Variants in ADGRL1 observed in about 807,000 individuals in gnomAD.
The protein encoded by ADGRL1 is CIRL-1.
A neutral mutation model predicts 148.9 loss-of-function variants in ADGRL1; 31 were observed. That is an observed-to-expected ratio of 0.21 (90% CI 0.16 to 0.28). The LOEUF is 0.28. ADGRL1 is among the 10% of genes least tolerant of loss of function. The pLI is 1.00. For synonymous variants in ADGRL1, 937 were observed against 900.3 expected (o/e 1.04, Z -0.73); for missense variants, 1,521 against 2,058.8 (o/e 0.74, Z 5.05).
rs112351135 is a variant in ADGRL1, at chr19:14,183,214, A to C, written c.70+319T>G. On this transcript the variant is annotated intron_variant, in intron 2 of 22. Transcript: ENST00000361434. ...ATCACAGAGAGAGAGAGAGAGAGAG[A>C]GAGCGAGAGAGAGACAGAGAGAGGA... is the stretch of plus-strand genomic sequence containing the variant. Among the ~76,000 whole-genome samples the C allele has an allele frequency of 5.5e-5, 8 of 145,184 alleles. No homozygotes were observed. The East Asian group carries it at 6.2e-4, about 11-fold the overall frequency.
chr19:14,186,674 G>A lies in ADGRL1; in HGVS notation c.-95-2977C>T, dbSNP rs1009739522. On this transcript the variant is annotated intron_variant, in intron 1 of 22. Transcript: ENST00000361434. ...AGGGACCACATGATGATGTTGATCC[G>A]AACATTAACTGACCCCCTGGTCTCT... 3.9e-5 allele frequency among the ~76,000 whole-genome samples: 6 copies of A among 152,132 alleles called. No homozygotes were observed. In the South Asian group the frequency reaches 6.2e-4, roughly 16 times the overall value.
Position 14,155,427 on chromosome 19 carries a change from G to C in ADGRL1, c.3226C>G (p.Leu1076Val). 2 of 1,614,092 alleles carry C rather than the reference G, an allele frequency of 1.2e-6. No individual in the cohort carries two copies. Among genetic ancestry groups the C allele is most frequent in the African/African-American group, 1.3e-5 (1 of 75,028 alleles). The part of the protein sequence containing the change: ...INKESVVMAY[L>V]FTTFNAFQGV... ...TGGAAGGCGTTGAAGGTGGTGAAGA[G>C]ATAGGCCATGACCACCGACTCCTTG... Residue 1076 changes from leucine to valine, a missense_variant, in exon 18 of 23, where the codon CTC becomes GTC. Leu to Val is a conservative substitution (Grantham distance 32, BLOSUM62 1). Around this residue, in one of 8 missense-constraint regions of ADGRL1, gnomAD observed 185 missense variants for 251.7 expected, o/e 0.74. Coordinates refer to ENST00000361434, the MANE Select transcript of ADGRL1 (RefSeq NM_014921.5). This position sits in a 1 kb window ranked among gnomAD's most constrained non-coding sequence, Gnocchi z 5.0.
chr19:14,167,277 G>T (rs1184918500), intron 4 of ADGRL1, among the ~76,000 whole-genome samples: 5 of 152,142 alleles, frequency 3.3e-5, no homozygotes, highest in South Asian at 4.1e-4. Flanking sequence ...CAGTCAGAGG[G>T]ACGAGGGGGA....
Position 14,148,489 on chromosome 19 carries a change from G to C in ADGRL1, c.*2384C>G, listed in dbSNP as rs926906392. 6.6e-6 allele frequency: 1 copy of C among 152,462 alleles called. No homozygotes were observed. The highest frequency in any genetic ancestry group is 6.5e-5 in the Admixed American group (1 of 15,292). The allele number at this position is 152,462 out of a possible 1,614,324, so 9.4% of individuals were successfully genotyped here. The stretch of plus-strand genomic sequence containing the variant: ...GCAGCCACAGGCTGGGCTGCTTCCC[G>C]GGACAGGCCAGCTCCTCGCCTGCTC... On this transcript the variant is annotated 3_prime_UTR_variant, in exon 23 of 23. Transcript: ENST00000361434.
chr19:14,174,959 G>A (rs968713771), intron 3 of ADGRL1, among the ~76,000 whole-genome samples: 6 of 150,976 alleles, frequency 4.0e-5, no homozygotes, highest in Non-Finnish European at 7.4e-5. Flanking sequence ...CTCCTGCATC[G>A]GTCATCTGAG....
Position 14,159,816 on chromosome 19 carries a change from C to T in ADGRL1, c.1801-43G>A. Reference sequence around the variant, plus strand: ...TGATGTCAGGCCAGGCCTCTGGGTGCCGGTTCCCTCACCCTAATACTGTCA... The same window carrying T: ...TGATGTCAGGCCAGGCCTCTGGGTGTCGGTTCCCTCACCCTAATACTGTCA... On this transcript the variant is annotated intron_variant, in intron 8 of 22. Transcript: ENST00000361434. The surrounding 1 kb of genome is among the most constrained non-coding windows in gnomAD (Gnocchi z 6.0). 2 of 1,538,010 alleles carry T rather than the reference C, an allele frequency of 1.3e-6. No homozygotes were observed. Among genetic ancestry groups the T allele is most frequent in the Non-Finnish European group, 9.0e-7 (1 of 1,111,004 alleles).
intron 2 of ADGRL1, among the ~76,000 whole-genome samples, chr19:14,182,735 G>T (rs1207134519): frequency 6.6e-6 from 1 of 152,220 alleles, no homozygotes; most frequent in Non-Finnish European, 1.5e-5. Flanking sequence ...TATGGGGCAG[G>T]ACCTGGATGG....
rs1277713547 is a variant in ADGRL1, at chr19:14,204,846, AGACAGACCCCAGCTCTG to A, written c.-96+1122_-96+1138del. Among the ~76,000 whole-genome samples the A allele has an allele frequency of 2.0e-5, 3 of 152,148 alleles. No homozygotes were observed. In the East Asian group the frequency reaches 5.8e-4, roughly 29 times the overall value. On this transcript the variant is annotated intron_variant, in intron 1 of 22. Coordinates refer to ENST00000361434, the MANE Select transcript of ADGRL1 (RefSeq NM_014921.5). ...ACATGTTGGGAAGTGGGATGTGGGA[AGACAGACCCCAGCTCTG>A]AGTCCGGTGGAAGCCAGGCGGAAGG... is the stretch of plus-strand genomic sequence containing the variant.
intron 4 of ADGRL1, among the ~76,000 whole-genome samples, chr19:14,164,304 G>C (rs939078459): frequency 3.3e-4 from 50 of 152,222 alleles, no homozygotes; most frequent in Middle Eastern, 6.8e-3. Context: ...GAGAGGGACA[G>C]GGCTCCCGGG....
intron 3 of ADGRL1, among the ~76,000 whole-genome samples, chr19:14,173,705 G>A (rs1283747402): frequency 6.6e-6 from 1 of 152,156 alleles, no homozygotes; most frequent in Non-Finnish European, 1.5e-5. Context: ...CCAGCACTTT[G>A]GGAGGCCAAG....
chr19:14,167,836 G>A (rs1025213401), intron 4 of ADGRL1, among the ~76,000 whole-genome samples: 1 of 152,134 alleles, frequency 6.6e-6, no homozygotes. Context: ...AGGCTCCCCA[G>A]GGGCAAGTCT....
chr19:14,173,747 G>A (rs971133822), intron 3 of ADGRL1, among the ~76,000 whole-genome samples: 1 of 152,016 alleles, frequency 6.6e-6, no homozygotes, highest in African/African-American at 2.4e-5. Context: ...AGAAGTTTGA[G>A]ACCAGCCTGG....
Position 14,147,901 on chromosome 19 carries a change from A to C in ADGRL1, c.*2972T>G, listed in dbSNP as rs1009919618. ...AAATTGGTTTGGCATATCGAAAAGG[A>C]GACCAAGGAGGGAGGGGCTGGGGCG... On this transcript the variant is annotated 3_prime_UTR_variant, in exon 23 of 23. Transcript: ENST00000361434. 1 of 152,242 alleles carries C rather than the reference A, an allele frequency of 6.6e-6. No individual in the cohort carries two copies. The highest frequency in any genetic ancestry group is 1.9e-4 in the East Asian group (1 of 5,166). The allele number at this position is 152,242 out of a possible 1,614,324, so 9.4% of individuals were successfully genotyped here.
chr19:14,198,621 A>T (rs1437746983), intron 1 of ADGRL1, among the ~76,000 whole-genome samples: 3 of 150,848 alleles, frequency 2.0e-5, no homozygotes, highest in African/African-American at 7.3e-5. Context: ...CCCCTGCCAC[A>T]GGCCCTGGCA....
At chr19:14,174,095 G>GT (rs1338313309) in intron 3 of ADGRL1, among the ~76,000 whole-genome samples, 1 of 152,112 alleles carries the variant, frequency 6.6e-6, no homozygotes, top group African/African-American at 2.4e-5. Flanking sequence ...CTCAGCCCCG[G>GT]TAACTATTCT....
At chr19:14,183,193 C>CAGAGAGAGAGAGAGAGAGAGAGAGAGAG (rs3837937) in intron 2 of ADGRL1, among the ~76,000 whole-genome samples, 19 of 145,304 alleles carry the variant, frequency 1.3e-4, no homozygotes, top group Non-Finnish European at 2.1e-4. Context: ...GATGTAATCA[C>CAGAGAGAGAGAGAGAGAGAGAGAGAGAG]AGAGAGAGAG....
At chr19:14,165,402 C>T (rs879651680) in intron 4 of ADGRL1, among the ~76,000 whole-genome samples, 51 of 152,014 alleles carry the variant, frequency 3.4e-4, no homozygotes, top group African/African-American at 1.2e-3. Context: ...GTGAAGGGGA[C>T]GGTGGGAGGC....
At chr19:14,170,823 A>C in intron 3 of ADGRL1, 32 bp from the exon 4 acceptor site, 1 of 1,125,088 alleles carries the variant, frequency 8.9e-7, no homozygotes, top group Non-Finnish European at 1.3e-6. Context: ...TTGGGAAAGA[A>C]ACACATAGAC....
At position 14,155,273 on chromosome 19, in the gene ADGRL1, T is replaced by A. The variant is rs1599391212; in HGVS notation, c.3294+86A>T. 6 of 1,486,344 alleles carry A rather than the reference T, an allele frequency of 4.0e-6. No homozygotes were observed. The East Asian group carries it at 1.4e-4, about 34-fold the overall frequency. The allele number at this position is 1,486,344 out of a possible 1,614,324, so 92.1% of individuals were successfully genotyped here. Reference sequence around the variant, plus strand: ...CTGGGGGCTTGAGGGAGCCCCTGAGTCCCCTCCACCCTCGCCGCCTTCTCC... The same window carrying A: ...CTGGGGGCTTGAGGGAGCCCCTGAGACCCCTCCACCCTCGCCGCCTTCTCC... On this transcript the variant is annotated intron_variant, in intron 18 of 22. Transcript: ENST00000361434. This position sits in a 1 kb window ranked among gnomAD's most constrained non-coding sequence, Gnocchi z 5.0.
Sources: gnomAD v4.1 joint callset for allele counts (sites outside exome capture counted in the v4.1 genomes callset) on GRCh38, gnomAD v4.1.1 for gene constraint, gnomAD v4.1.1 regional missense constraint, Gnocchi (gnomAD v3.1) non-coding constraint, MANE v1.5 for transcripts, NCBI Gene and HGNC (gene_info 2026-07-23, HGNC 2026-07-21) for gene names.